Variants in SNX9 observed in about 807,000 individuals in gnomAD.
SNX9 encodes the protein sorting nexin 9, also known as sorting nexin-9.
A neutral mutation model predicts 89.4 loss-of-function variants in SNX9; 44 were observed. The observed-to-expected ratio is 0.49, with a 90% CI of 0.39 to 0.63. The LOEUF is 0.63. Ranked by LOEUF, SNX9 falls within the 30% of genes least tolerant of loss-of-function variation. SNX9 has a pLI of 0.00. For synonymous variants in SNX9, 236 were observed against 247.8 expected (o/e 0.95, Z 0.45); for missense variants, 578 against 736.1 (o/e 0.79, Z 2.49).
chr6:157,899,125 A>G (rs1026712556), intron 5 of SNX9, among the ~76,000 whole-genome samples: 2 of 152,164 alleles, frequency 1.3e-5, no homozygotes, highest in African/African-American at 2.4e-5. Flanking sequence ...AGGAAGGAGA[A>G]GGAGGAGAGC....
chr6:157,936,495 C>T (rs1783928461), intron 14 of SNX9, among the ~76,000 whole-genome samples: 1 of 152,110 alleles, frequency 6.6e-6, no homozygotes, highest in African/African-American at 2.4e-5. Context: ...GGTGACAGAG[C>T]GAGACCCTAT....
intron 4 of SNX9, among the ~76,000 whole-genome samples, chr6:157,886,725 TC>T (rs2115152950): frequency 6.6e-6 from 1 of 152,324 alleles, no homozygotes; most frequent in East Asian, 1.9e-4. Flanking sequence ...TAATTCCACC[TC>T]TCCTTAATTG....
At chr6:157,861,864 G>A (rs1374574507) in intron 1 of SNX9, among the ~76,000 whole-genome samples, 1 of 152,188 alleles carries the variant, frequency 6.6e-6, no homozygotes, top group Non-Finnish European at 1.5e-5. Context: ...CCACTCTTGT[G>A]CATCAGGGTC....
At chr6:157,852,455 A>G (rs1342042329) in intron 1 of SNX9, among the ~76,000 whole-genome samples, 4 of 151,808 alleles carry the variant, frequency 2.6e-5, no homozygotes, top group Non-Finnish European at 4.4e-5. Flanking sequence ...TACCATGGTC[A>G]CTCTCAGCTT....
At chr6:157,920,239 C>G (rs1783555602) in intron 9 of SNX9, among the ~76,000 whole-genome samples, 1 of 152,182 alleles carries the variant, frequency 6.6e-6, no homozygotes, top group Non-Finnish European at 1.5e-5. Context: ...GATTGTGTGC[C>G]TGGCTTGGAC....
In SNX9 at chr6:157,894,106, C is replaced by CTTTTCTTTTT. The variant is rs1484938597; in HGVS notation, c.301-2717_301-2716insCTTTTTTTTT. 1.6e-3 allele frequency among the ~76,000 whole-genome samples: 140 copies of CTTTTCTTTTT among 89,534 alleles called. 2 individuals carry two copies. Among genetic ancestry groups the CTTTTCTTTTT allele is most frequent in the African/African-American group, 6.2e-3 (136 of 21,996 alleles). The allele number at this position is 89,534 out of a possible 152,430, so 58.7% of individuals were successfully genotyped here. A position where few individuals can be genotyped will look rare whatever the true frequency, so the allele number is the denominator to read the frequency against. Reference sequence around the variant, plus strand: ...TTCTTTTTCTTTTCGCTTTTCTTTTCTTTTTTTTTTTTTTTTTTTTTGAGA... The same window carrying CTTTTCTTTTT: ...TTCTTTTTCTTTTCGCTTTTCTTTTCTTTTCTTTTTTTTTTTTTTTTTTTTTTTTTTGAGA... On this transcript the variant is annotated intron_variant, in intron 4 of 17. Coordinates refer to ENST00000392185, the MANE Select transcript of SNX9 (RefSeq NM_016224.5).
At chr6:157,929,596 G>C (rs1405172166) in intron 12 of SNX9, among the ~76,000 whole-genome samples, 1 of 152,068 alleles carries the variant, frequency 6.6e-6, no homozygotes, top group Non-Finnish European at 1.5e-5. Context: ...AGGAATATTG[G>C]TTGTATTCAG....
intron 16 of SNX9, among the ~76,000 whole-genome samples, chr6:157,938,962 T>G (rs924637048): frequency 1.3e-5 from 2 of 152,238 alleles, no homozygotes; most frequent in African/African-American, 4.8e-5. Flanking sequence ...ACAGCTTGAT[T>G]AAAACTGTAC....
intron 13 of SNX9, among the ~76,000 whole-genome samples, chr6:157,935,620 G>C (rs532000050): frequency 6.6e-6 from 1 of 152,330 alleles, no homozygotes; most frequent in East Asian, 1.9e-4. Flanking sequence ...CAAGCAGCCA[G>C]CTCTCCCTGA....
In SNX9 at chr6:157,867,423, C is replaced by T. The variant is rs912710307; in HGVS notation, c.13-124C>T. On this transcript the variant is annotated intron_variant, in intron 1 of 17. Transcript: ENST00000392185. Reference sequence around the variant, plus strand: ...ATTTTGGTAATGTCTTCCTTTCTTCCAAAACAGCCACAGCCACTATCATGT... The same window carrying T: ...ATTTTGGTAATGTCTTCCTTTCTTCTAAAACAGCCACAGCCACTATCATGT... 8.6e-6 allele frequency: 6 copies of T among 694,164 alleles called. No individual in the cohort carries two copies. In the Admixed American group the frequency reaches 1.5e-4, roughly 17 times the overall value. The allele number at this position is 694,164 out of a possible 1,614,324, so 43.0% of individuals were successfully genotyped here.
intron 7 of SNX9, among the ~76,000 whole-genome samples, chr6:157,906,779 T>G (rs1783226109): frequency 6.6e-6 from 1 of 152,166 alleles, no homozygotes; most frequent in Non-Finnish European, 1.5e-5. Flanking sequence ...TCATTCCACA[T>G]TTTGATTGGT....
chr6:157,919,268 C>G (rs12190069), intron 9 of SNX9, among the ~76,000 whole-genome samples: 2,316 of 152,270 alleles, frequency 0.015, 27 homozygotes, highest in Non-Finnish European at 0.021. Flanking sequence ...ATCTCACGTG[C>G]CCACTCTACT....
At chr6:157,853,328 AT>A (rs1781948134) in intron 1 of SNX9, among the ~76,000 whole-genome samples, 1 of 152,008 alleles carries the variant, frequency 6.6e-6, no homozygotes, top group Admixed American at 6.6e-5. Context: ...GTTCCACTGT[AT>A]GTAATAATAT....
intron 5 of SNX9, among the ~76,000 whole-genome samples, chr6:157,900,853 C>T (rs151200529): frequency 0.026 from 3,935 of 152,200 alleles, 125 homozygotes; most frequent in African/African-American, 0.071. Context: ...ACAAACAATC[C>T]GTAGAAACAG....
chr6:157,908,277 A>G (rs1194441940), intron 7 of SNX9, among the ~76,000 whole-genome samples: 1 of 152,198 alleles, frequency 6.6e-6, no homozygotes, highest in Non-Finnish European at 1.5e-5. Context: ...TGTTCCATAA[A>G]TTATTTCATT....
At chr6:157,923,687 G>T (rs192339280) in intron 10 of SNX9, among the ~76,000 whole-genome samples, 1 of 152,290 alleles carries the variant, frequency 6.6e-6, no homozygotes, top group Admixed American at 6.5e-5. Context: ...ACTTTATTGC[G>T]TATCAGAACT....
chr6:157,855,265 G>A (rs771060870), intron 1 of SNX9, among the ~76,000 whole-genome samples: 2 of 152,066 alleles, frequency 1.3e-5, no homozygotes, highest in East Asian at 1.9e-4. Context: ...ACTCCGTTTC[G>A]CAGAGATCCC....
intron 4 of SNX9, among the ~76,000 whole-genome samples, chr6:157,880,762 A>G (rs1171706123): frequency 1.3e-5 from 2 of 152,168 alleles, no homozygotes; most frequent in Admixed American, 6.5e-5. Context: ...TTAAGAGGCA[A>G]CCTAGCTTGG....
intron 5 of SNX9, 94 bp downstream of exon 5, chr6:157,897,092 G>C: frequency 8.1e-7 from 1 of 1,235,782 alleles, no homozygotes; most frequent in Non-Finnish European, 1.1e-6. Context: ...CCCACACTCA[G>C]CACAACACAG....
Sources: allele counts gnomAD v4.1 joint callset (sites outside exome capture counted in the v4.1 genomes callset), GRCh38; gene constraint gnomAD v4.1.1; transcripts MANE v1.5; gene names NCBI Gene and HGNC (gene_info 2026-07-23, HGNC 2026-07-21).